PDE1C: variants seen among roughly 807,000 people sequenced by gnomAD.
PDE1C encodes the protein phosphodiesterase 1C, also known as dual specificity calcium/calmodulin-dependent 3',5'-cyclic nucleotide phosphodiesterase 1C.
PDE1C carries 62 observed loss-of-function variants against 93.1 expected under a neutral mutation model. That is an observed-to-expected ratio of 0.67 (90% CI 0.54 to 0.82). The LOEUF is 0.82. Among genes scored for constraint, PDE1C ranks in the 40% least tolerant of loss-of-function variants. The pLI is 0.00. For synonymous variants in PDE1C, 325 were observed against 310.1 expected (o/e 1.05, Z -0.50); for missense variants, 742 against 884.6 (o/e 0.84, Z 2.04).
At chr7:32,231,411 G>C (rs1419033864) in intron 1 of PDE1C, among the ~76,000 whole-genome samples, 1 of 152,060 alleles carries the variant, frequency 6.6e-6, no homozygotes, top group Non-Finnish European at 1.5e-5. Flanking sequence ...TGTAAAAATA[G>C]TTGAAATGGA....
At chr7:32,204,867 T>C (rs187237872) in intron 2 of PDE1C, among the ~76,000 whole-genome samples, 3 of 152,226 alleles carry the variant, frequency 2.0e-5, no homozygotes, top group African/African-American at 7.2e-5. Flanking sequence ...TCCTTCCACA[T>C]GCTGTATTGT....
intron 1 of PDE1C, among the ~76,000 whole-genome samples, chr7:32,275,523 A>T (rs1327785988): frequency 6.6e-6 from 1 of 152,134 alleles, no homozygotes; most frequent in Non-Finnish European, 1.5e-5. Flanking sequence ...ATAAAAGCAC[A>T]TTTTAGGGAA....
chr7:31,847,976 A>G lies in PDE1C; in HGVS notation c.972T>C (p.Asp324=), dbSNP rs1374408134. The change falls in exon 9 of 18, where the codon GAT becomes GAC. Residue 324 remains aspartate, a synonymous_variant. Transcript: ENST00000396191. ...EMNILINLSK[D]DWREFRTLVI... Reference sequence around the variant, plus strand: ...TCTTTTCTCATCCTTACCTCCAGTCATCCTTTGAGAGGTTAATCAAAATAT... The same window carrying G: ...TCTTTTCTCATCCTTACCTCCAGTCGTCCTTTGAGAGGTTAATCAAAATAT... The G allele has an allele frequency of 6.2e-6, 10 of 1,612,518 alleles. No individual in the cohort carries two copies. The highest frequency in any genetic ancestry group is 1.7e-5 in the Admixed American group (1 of 59,880).
intron 2 of PDE1C, among the ~76,000 whole-genome samples, chr7:32,179,921 A>G (rs370809870): frequency 1.4e-3 from 212 of 152,336 alleles, no homozygotes; most frequent in African/African-American, 4.9e-3. Flanking sequence ...AGGAAAAAAC[A>G]TTACTGAAAA....
intron 1 of PDE1C, among the ~76,000 whole-genome samples, chr7:32,278,807 A>G (rs1811450148): frequency 6.6e-6 from 1 of 152,242 alleles, no homozygotes; most frequent in African/African-American, 2.4e-5. Flanking sequence ...AAGCTTCTTG[A>G]ATTTGTTGTC....
rs141431527 is a variant in PDE1C at position 32,258,333 on chromosome 7, A to C, written c.85+40318T>G. ...AAGGTGTAGCACATTATAGGCATTC[A>C]AAGCTGTGAGATGAAACTCTGCATT... On this transcript the variant is annotated intron_variant, in intron 1 of 18. Transcript: ENST00000396193. Among the ~76,000 whole-genome samples, 47 of 152,352 alleles carry C rather than the reference A, an allele frequency of 3.1e-4. 1 individual carries two copies. The highest frequency in any genetic ancestry group is 1.1e-3 in the African/African-American group (45 of 41,584).
the PDE1C span, chr7:31,651,374 G>A: frequency 7.7e-7 from 1 of 1,294,368 alleles, no homozygotes; most frequent in South Asian, 1.9e-5. Flanking sequence ...GAGCTAATGA[G>A]AAACCGGCCA....
At chr7:32,080,268 T>C (rs1439842458) in intron 3 of PDE1C, among the ~76,000 whole-genome samples, 1 of 152,090 alleles carries the variant, frequency 6.6e-6, no homozygotes, top group Non-Finnish European at 1.5e-5. Context: ...CCAAAAGTCT[T>C]GTTCACCACT....
chr7:31,695,761 T>C, the PDE1C span: 3 of 772,972 alleles, frequency 3.9e-6, no homozygotes, highest in South Asian at 6.8e-5. Context: ...TCTGTATTAG[T>C]TACAATATAG....
At chr7:31,627,494 C>G in the PDE1C span, among the ~76,000 whole-genome samples, 1 of 151,504 alleles carries the variant, frequency 6.6e-6, no homozygotes, top group East Asian at 1.9e-4. Flanking sequence ...CCCATCTCTA[C>G]AAAAAAATAA....
At chr7:32,206,045 A>G (rs1270821786) in intron 2 of PDE1C, among the ~76,000 whole-genome samples, 2 of 152,188 alleles carry the variant, frequency 1.3e-5, no homozygotes, top group Non-Finnish European at 2.9e-5. Flanking sequence ...TTCTAGGATC[A>G]AGGTGTGGAA....
intron 1 of PDE1C, among the ~76,000 whole-genome samples, chr7:32,386,747 G>T (rs1316396038): frequency 1.3e-5 from 2 of 150,952 alleles, no homozygotes; most frequent in African/African-American, 2.4e-5. Context: ...AAGCACTGCT[G>T]TTACAGTCAT....
At position 31,987,952 on chromosome 7, in the gene PDE1C, T is replaced by A. The variant is rs905491861; in HGVS notation, c.128+63602A>T. Among the ~76,000 whole-genome samples, 8 of 152,216 alleles carry A rather than the reference T, an allele frequency of 5.3e-5. No individual in the cohort carries two copies. In the East Asian group the frequency reaches 1.3e-3, roughly 26 times the overall value. Reference sequence around the variant, plus strand: ...GGGGTGACTGTGGATGGGCCATCGCTGGCTCTCTGGCCCTCTGGCTTCCTG... The same window carrying A: ...GGGGTGACTGTGGATGGGCCATCGCAGGCTCTCTGGCCCTCTGGCTTCCTG... On this transcript the variant is annotated intron_variant, in intron 2 of 17. Coordinates refer to ENST00000396191, the MANE Select transcript of PDE1C (RefSeq NM_001191057.4).
At chr7:31,851,646 G>A (rs1456218602) in intron 7 of PDE1C, among the ~76,000 whole-genome samples, 1 of 152,076 alleles carries the variant, frequency 6.6e-6, no homozygotes, top group African/African-American at 2.4e-5. Context: ...TTAAATTCAT[G>A]CCTACATGAT....
chr7:31,682,800 G>A, the PDE1C span, among the ~76,000 whole-genome samples: 1 of 152,248 alleles, frequency 6.6e-6, no homozygotes, highest in East Asian at 1.9e-4. Context: ...CAATAAAAAG[G>A]AATGAACTAT....
At chr7:32,195,796 G>T (rs1804571090) in intron 2 of PDE1C, among the ~76,000 whole-genome samples, 1 of 152,124 alleles carries the variant, frequency 6.6e-6, no homozygotes, top group Non-Finnish European at 1.5e-5. Flanking sequence ...AAAGGAATAT[G>T]GTGCACTACC....
intron 2 of PDE1C, among the ~76,000 whole-genome samples, chr7:32,180,626 T>G (rs1005585705): frequency 3.3e-5 from 5 of 152,230 alleles, no homozygotes; most frequent in Non-Finnish European, 5.9e-5. Context: ...ATCTTGGATA[T>G]TCATTCTCCA....
rs892385745 is a variant in PDE1C, at chr7:31,969,481, G to T, written c.128+82073C>A. On this transcript the variant is annotated intron_variant, in intron 2 of 17. Coordinates refer to ENST00000396191, the MANE Select transcript of PDE1C (RefSeq NM_001191057.4). ...CAGTTAGAATGGTGATCATTAAAAAGTCAGGAAACAACAGGTGCTGGAGAG... is the reference window on the plus strand; with the variant it reads ...CAGTTAGAATGGTGATCATTAAAAATTCAGGAAACAACAGGTGCTGGAGAG... Among the ~76,000 whole-genome samples the T allele has an allele frequency of 6.6e-5, 10 of 152,260 alleles. No individual in the cohort carries two copies. The East Asian group carries it at 1.5e-3, about 24-fold the overall frequency.
chr7:32,254,749 G>A (rs1217505121), intron 1 of PDE1C, among the ~76,000 whole-genome samples: 1 of 152,132 alleles, frequency 6.6e-6, no homozygotes, highest in East Asian at 1.9e-4. Flanking sequence ...GAGAGGAGAA[G>A]GCAGAGGAGA....
Sources: gnomAD v4.1 joint callset for allele counts (sites outside exome capture counted in the v4.1 genomes callset) on GRCh38, gnomAD v4.1.1 for gene constraint, MANE v1.5 for transcripts, NCBI Gene and HGNC (gene_info 2026-07-23, HGNC 2026-07-21) for gene names.